The following RNASEH2B variants were observed in gnomAD, a reference collection of about 807,000 sequenced individuals.
RNASEH2B encodes the protein Aicardi-Goutieres syndrome 2 protein.
A neutral mutation model predicts 45.0 loss-of-function variants in RNASEH2B; 36 were observed. The observed-to-expected ratio is 0.80, with a 90% confidence interval of 0.61 to 1.06. RNASEH2B has a LOEUF of 1.06. Among genes scored for constraint, RNASEH2B ranks in the 50% least tolerant of loss-of-function variants. The pLI is 0.00. For synonymous variants in RNASEH2B, 119 were observed against 125.7 expected (o/e 0.95, Z 0.35); for missense variants, 361 against 360.3 (o/e 1.00, Z -0.02).
exon 10 of RNASEH2B, chr13:50,970,056 A>T: frequency 7.9e-7 from 1 of 1,263,060 alleles, no homozygotes; most frequent in Non-Finnish European, 1.1e-6. Flanking sequence ...CTTTTTTGGA[A>T]AATCGCCAGG....
Position 50,934,710 on chromosome 13 carries a change from A to T in RNASEH2B, c.322-175A>T, listed in dbSNP as rs563749098. 3.4e-4 allele frequency: 211 copies of T among 627,914 alleles called. 4 individuals carry two copies. In the South Asian group the frequency reaches 3.8e-3, roughly 11 times the overall value. 38.9% of individuals were successfully genotyped at this position (627,914 alleles called of 1,614,324 possible). A position where few individuals can be genotyped will look rare whatever the true frequency, so the allele number is the denominator to read the frequency against. ...CTCCAGTGCTCACAGGAGCTTCCTG[A>T]AGGGAGCTGGGGTCCGTCCTAGAGC... is the stretch of plus-strand genomic sequence containing the variant. On this transcript the variant is annotated intron_variant, in intron 4 of 10. Coordinates refer to ENST00000336617, the MANE Select transcript of RNASEH2B (RefSeq NM_024570.4).
In RNASEH2B at chr13:50,956,473, G is replaced by T; in HGVS notation, c.938G>T (p.Ter313LeuextTer7). The part of the protein sequence containing the change: ...VKNKKKIGKV[*>L] ...AATAAAAAAAAAATTGGAAAGGTTT[G>T]AAACTTTGAAAATAAAATCTAGCAA... is the stretch of plus-strand genomic sequence containing the variant. Residue 313 changes from the stop codon to leucine, a stop_lost, in exon 11 of 11, where the codon TGA becomes TTA. Transcript: ENST00000336617. 2 of 1,593,660 alleles carry T rather than the reference G, an allele frequency of 1.3e-6. No homozygotes were observed. The highest frequency in any genetic ancestry group is 2.2e-5 in the South Asian group (2 of 88,980).
Position 50,910,080 on chromosome 13 carries a change from G to C in RNASEH2B, c.4G>C (p.Ala2Pro), listed in dbSNP as rs1161853513. Reference sequence around the variant, plus strand: ...CGCCCCGGAAGAGGCGGGCGGCATGGCCGCTGGCGTGGACTGCGGGGACGG... The same window carrying C: ...CGCCCCGGAAGAGGCGGGCGGCATGCCCGCTGGCGTGGACTGCGGGGACGG... M[A>P]AGVDCGDGVG... The change falls in exon 1 of 11, where the codon GCC becomes CCC. Residue 2 changes from alanine (A) to proline (P), a missense_variant. Transcript: ENST00000336617. 1.4e-6 allele frequency: 2 copies of C among 1,463,762 alleles called. No individual in the cohort carries two copies. The highest frequency in any genetic ancestry group is 1.8e-6 in the Non-Finnish European group (2 of 1,112,080). 90.7% of individuals were successfully genotyped at this position (1,463,762 alleles called of 1,614,324 possible).
chr13:50,949,632 G>A (rs1593476468), intron 9 of RNASEH2B, 127 bp downstream of exon 9: 1 of 819,048 alleles, frequency 1.2e-6, no homozygotes. Context: ...GTGATGCCAT[G>A]TGGAATAAAG....
downstream of RNASEH2B, among the ~76,000 whole-genome samples, chr13:50,960,740 T>C (rs992821134): frequency 1.3e-5 from 2 of 152,246 alleles, no homozygotes; most frequent in Non-Finnish European, 2.9e-5. Flanking sequence ...TAAGGAATTT[T>C]GCAGACATAT....
chr13:50,916,405 T>A (rs1055337138), intron 1 of RNASEH2B, among the ~76,000 whole-genome samples: 1 of 152,146 alleles, frequency 6.6e-6, no homozygotes. Context: ...TTAATTTTGA[T>A]AAGGACAGAA....
chr13:50,926,682 C>A (rs1315294488), intron 1 of RNASEH2B, among the ~76,000 whole-genome samples: 1 of 151,896 alleles, frequency 6.6e-6, no homozygotes, highest in African/African-American at 2.4e-5. Flanking sequence ...AAGAAAAGGT[C>A]TTTCTAAGTG....
chr13:50,943,106 T>A, intron 5 of RNASEH2B: 1 of 471,708 alleles, frequency 2.1e-6, no homozygotes, highest in Non-Finnish European at 3.8e-6. Context: ...TTTTCTTAAA[T>A]TCTTACTCAT....
chr13:50,923,756 A>G lies in RNASEH2B; in HGVS notation c.65-3651A>G, dbSNP rs550081879. Among the ~76,000 whole-genome samples, 92 of 152,354 alleles carry G rather than the reference A, an allele frequency of 6.0e-4. No individual in the cohort carries two copies. The Middle Eastern group carries it at 0.014, about 23-fold the overall frequency. On this transcript the variant is annotated intron_variant, in intron 1 of 10. Transcript: ENST00000336617. ...GAATAAAGAGCACTAGTAAAGATAA[A>G]CACAGAAATAAACATAAAAGCACAA...
chr13:50,919,970 A>G (rs1436738468), intron 1 of RNASEH2B, among the ~76,000 whole-genome samples: 1 of 152,214 alleles, frequency 6.6e-6, no homozygotes, highest in Non-Finnish European at 1.5e-5. Flanking sequence ...TACAGATGTC[A>G]GGAAAGTAGC....
chr13:50,965,939 A>AT (rs1268790993), intron 9 of RNASEH2B, among the ~76,000 whole-genome samples: 4 of 152,134 alleles, frequency 2.6e-5, no homozygotes, highest in African/African-American at 9.7e-5. Context: ...AGGAGCTCAT[A>AT]TTATGATTTA....
intron 8 of RNASEH2B, 23 bp downstream of exon 8, chr13:50,948,091 C>A: frequency 1.2e-6 from 2 of 1,608,858 alleles, no homozygotes; most frequent in South Asian, 2.2e-5. Flanking sequence ...TATCTTCAGT[C>A]ATAATGAAGT....
At chr13:50,926,835 T>TTAAAA (rs1555254955) in intron 1 of RNASEH2B, among the ~76,000 whole-genome samples, 1 of 148,934 alleles carries the variant, frequency 6.7e-6, no homozygotes, top group Non-Finnish European at 1.5e-5. Context: ...CACAAAGTAG[T>TTAAAA]AAAAAAAAAG....
chr13:50,918,225 C>T (rs1274610377), intron 1 of RNASEH2B, among the ~76,000 whole-genome samples: 6 of 152,134 alleles, frequency 3.9e-5, no homozygotes, highest in Non-Finnish European at 8.8e-5. Context: ...GCAAGCTCCG[C>T]CTCCCAGGTT....
intron 1 of RNASEH2B, among the ~76,000 whole-genome samples, chr13:50,926,870 G>A (rs1014234307): frequency 1.3e-5 from 2 of 150,872 alleles, no homozygotes; most frequent in Admixed American, 6.6e-5. Flanking sequence ...GGGAAATTAG[G>A]CAAAGGATAG....
chr13:50,956,509 T>G lies in RNASEH2B; in HGVS notation c.*35T>G, dbSNP rs1952052699. ...AATAAAATCTAGCAAAAATATTTGC[T>G]TTTTACATGTTTCAGTTTGTCCTTC... On this transcript the variant is annotated 3_prime_UTR_variant, in exon 11 of 11. Transcript: ENST00000336617. 6.4e-7 allele frequency: 1 copy of G among 1,573,422 alleles called. No homozygotes were observed. The highest frequency in any genetic ancestry group is 8.7e-7 in the Non-Finnish European group (1 of 1,155,856).
At chr13:50,969,730 G>C (rs1266756904) in intron 9 of RNASEH2B, among the ~76,000 whole-genome samples, 3 of 151,996 alleles carry the variant, frequency 2.0e-5, no homozygotes, top group African/African-American at 4.8e-5. Context: ...ATGAACCCTA[G>C]AATGAGATCT....
At chr13:50,964,498 C>G (rs1184267384) in intron 9 of RNASEH2B, among the ~76,000 whole-genome samples, 1 of 152,078 alleles carries the variant, frequency 6.6e-6, no homozygotes, top group Non-Finnish European at 1.5e-5. Flanking sequence ...GACACCCACC[C>G]AAAGCTCAAA....
chr13:50,942,427 C>G (rs1477053390), intron 5 of RNASEH2B: 1 of 151,932 alleles, frequency 6.6e-6, no homozygotes, highest in Non-Finnish European at 1.5e-5. Context: ...TTAATGCTCC[C>G]CCAATCCCCA....
Sources: gnomAD v4.1 joint callset for allele counts (sites outside exome capture counted in the v4.1 genomes callset) on GRCh38, gnomAD v4.1.1 for gene constraint, MANE v1.5 for transcripts, NCBI Gene and HGNC (gene_info 2026-07-23, HGNC 2026-07-21) for gene names.